CARF: variants seen among roughly 807,000 people sequenced by gnomAD.
CARF encodes calcium responsive transcription factor.
Under a neutral mutation model 82.0 loss-of-function variants are expected in CARF, and 57 were observed. The observed-to-expected ratio is 0.70, with a 90% CI of 0.56 to 0.87. The LOEUF (loss-of-function observed/expected upper bound fraction) is 0.87. Among genes scored for constraint, CARF ranks in the 40% least tolerant of loss-of-function variants. CARF has a pLI of 0.00. For missense variants in CARF, 771 were observed against 855.8 expected (o/e 0.90, Z 1.24); for synonymous variants, 268 against 290.1 (o/e 0.92, Z 0.77).
chr2:202,986,057 A>G lies in CARF; in HGVS notation c.*2433A>G, dbSNP rs926792667. On this transcript the variant is annotated 3_prime_UTR_variant, in exon 17 of 17. Transcript: ENST00000438828. ...AATAAAACAAAACCCCACAAAAACC[A>G]AGAGCATGAAGAAAAGTTTAAATCC... is the stretch of plus-strand genomic sequence containing the variant. 2 of 152,100 alleles carry G rather than the reference A, an allele frequency of 1.3e-5. No individual in the cohort carries two copies. Among genetic ancestry groups the G allele is most frequent in the African/African-American group, 4.8e-5 (2 of 41,456 alleles). The allele number at this position is 152,100 out of a possible 1,614,324, so 9.4% of individuals were successfully genotyped here. A position where few individuals can be genotyped will look rare whatever the true frequency, so the allele number is the denominator to read the frequency against.
At chr2:202,933,857 CTTTCCTTTCT>C (rs1461244105) in intron 3 of CARF, among the ~76,000 whole-genome samples, 1 of 119,378 alleles carries the variant, frequency 8.4e-6, no homozygotes, top group Admixed American at 8.6e-5. Context: ...CTTTTCTTTT[CTTTCCTTTCT>C]TTTCTTTTCT....
Position 202,942,762 on chromosome 2 carries a change from G to T in CARF, c.101G>T (p.Arg34Met). The T allele has an allele frequency of 6.2e-7, 1 of 1,613,650 alleles. No individual in the cohort carries two copies. The highest frequency in any genetic ancestry group is 8.5e-7 in the Non-Finnish European group (1 of 1,179,802). The change falls in exon 5 of 17, where the codon AGG becomes ATG. Residue 34 changes from arginine to methionine, a missense_variant. By Grantham distance (91) the Arg-to-Met change is moderately conservative. Coordinates refer to ENST00000438828, the MANE Select transcript of CARF (RefSeq NM_024744.17). ...VFEHLICMDS[R>M]DSSFGQNDSP... ...AAGCATCTAATCTGTATGGACTCCA[G>T]GGATTCTTCCTTTGGACAAAATGAT...
intron 3 of CARF, among the ~76,000 whole-genome samples, chr2:202,940,835 C>A (rs1035859967): frequency 1.3e-5 from 2 of 151,968 alleles, no homozygotes; most frequent in Non-Finnish European, 2.9e-5. Context: ...GGAGGGCGGT[C>A]ACTGGAGTGG....
chr2:202,948,881 A>G (rs1233960029), intron 5 of CARF, among the ~76,000 whole-genome samples: 1 of 152,020 alleles, frequency 6.6e-6, no homozygotes, highest in African/African-American at 2.4e-5. Flanking sequence ...TTCCAATACT[A>G]TGTTGAATAG....
At chr2:202,971,841 G>A in intron 12 of CARF, 103 bp downstream of exon 12, 1 of 653,116 alleles carries the variant, frequency 1.5e-6, no homozygotes, top group South Asian at 2.2e-5. Flanking sequence ...ATGCTATCAG[G>A]GTAGATAAGG....
chr2:202,947,672 T>C (rs1219608837), intron 5 of CARF, among the ~76,000 whole-genome samples: 2 of 152,206 alleles, frequency 1.3e-5, no homozygotes, highest in East Asian at 3.8e-4. Flanking sequence ...AAATGTCTGT[T>C]TGTGTCCTTT....
At chr2:202,968,368 C>G (rs985863323) in intron 10 of CARF, among the ~76,000 whole-genome samples, 15 of 152,114 alleles carry the variant, frequency 9.9e-5, no homozygotes, top group Admixed American at 3.3e-4. Context: ...CGCCACTGCA[C>G]TCCAGCCTGG....
At chr2:202,916,929 C>T (rs888600781) in intron 1 of CARF, among the ~76,000 whole-genome samples, 4 of 152,008 alleles carry the variant, frequency 2.6e-5, no homozygotes, top group African/African-American at 9.7e-5. Context: ...ACGCTGAGCT[C>T]GCCGGGCGCG....
chr2:202,955,620 C>A, intron 7 of CARF, 54 bp from the exon 8 acceptor site: 1 of 1,290,928 alleles, frequency 7.7e-7, no homozygotes, highest in Non-Finnish European at 1.1e-6. Context: ...CAGTTGAATG[C>A]ATTTTGTGTG....
intron 3 of CARF, among the ~76,000 whole-genome samples, chr2:202,929,951 A>G (rs1332435285): frequency 6.6e-6 from 1 of 151,858 alleles, no homozygotes; most frequent in East Asian, 1.9e-4. Flanking sequence ...TAGTATGGTC[A>G]TTTTCACAAT....
At chr2:202,934,182 T>A (rs1693497524) in intron 3 of CARF, among the ~76,000 whole-genome samples, 1 of 152,160 alleles carries the variant, frequency 6.6e-6, no homozygotes, top group African/African-American at 2.4e-5. Context: ...GGCTATAAAT[T>A]TCCCTTGAAA....
intron 16 of CARF, 122 bp downstream of exon 16, chr2:202,982,563 C>T (rs2060310207): frequency 9.7e-7 from 1 of 1,036,040 alleles, no homozygotes; most frequent in South Asian, 1.7e-5. Flanking sequence ...GTAAATGAAG[C>T]AAAATTATGA....
intron 12 of CARF, chr2:202,973,581 C>A: frequency 2.9e-6 from 1 of 339,148 alleles, no homozygotes; most frequent in Non-Finnish European, 5.7e-6. Flanking sequence ...CTCTTATTTA[C>A]TAGGTAGGTG....
At chr2:202,927,000 A>C (rs555845267) in intron 3 of CARF, among the ~76,000 whole-genome samples, 1 of 152,086 alleles carries the variant, frequency 6.6e-6, no homozygotes, top group African/African-American at 2.4e-5. Flanking sequence ...TTTTTTGTAG[A>C]GATAAGGTTT....
At position 202,916,977 on chromosome 2, in the gene CARF, G is replaced by A. The variant is rs575656747; in HGVS notation, c.-329-900G>A. Reference sequence around the variant, plus strand: ...TGTAATCCCAGCACTTTGGGAGGCCGAGGCGGGCGGATCACGAAGTCAGGA... The same window carrying A: ...TGTAATCCCAGCACTTTGGGAGGCCAAGGCGGGCGGATCACGAAGTCAGGA... On this transcript the variant is annotated intron_variant, in intron 1 of 16. Coordinates refer to ENST00000438828, the MANE Select transcript of CARF (RefSeq NM_024744.17). Among the ~76,000 whole-genome samples, 7 of 152,166 alleles carry A rather than the reference G, an allele frequency of 4.6e-5. No individual in the cohort carries two copies. The South Asian group carries it at 1.0e-3, about 23-fold the overall frequency.
chr2:202,955,692 T>C lies in CARF; in HGVS notation c.576T>C (p.Leu192=). ...ATCCCAGAATGCTGGAAGAACCCCT[T>C]CTGGGGCCTCTTCAGCCACTTTCTT... is the stretch of plus-strand genomic sequence containing the variant. ...KSVTGMLEEP[L]LGPLQPLSSN... The change falls in exon 8 of 17, where the codon CTT becomes CTC. Residue 192 remains leucine (L), a synonymous_variant. Transcript: ENST00000438828. 1 of 1,608,750 alleles carries C rather than the reference T, an allele frequency of 6.2e-7. No individual in the cohort carries two copies.
At position 202,912,517 on chromosome 2, in the gene CARF, C is replaced by T. The variant is rs936026592; in HGVS notation, c.-915C>T. The stretch of plus-strand genomic sequence containing the variant: ...CCTCCTCCTCCCGTCACCTCCTGAC[C>T]CGCCGGAGCTCCGAGCAACTGCCGG... On this transcript the variant is annotated 5_prime_UTR_variant, in exon 1 of 17. Transcript: ENST00000438828. The T allele has an allele frequency of 2.7e-5, 4 of 150,046 alleles. No individual in the cohort carries two copies. Among genetic ancestry groups the T allele is most frequent in the Non-Finnish European group, 5.9e-5 (4 of 67,310 alleles). 9.3% of individuals were successfully genotyped at this position (150,046 alleles called of 1,614,324 possible). A position where few individuals can be genotyped will look rare whatever the true frequency, so the allele number is the denominator to read the frequency against.
chr2:202,924,222 G>A (rs1429695746), intron 2 of CARF, 75 bp from the exon 3 acceptor site: 1 of 152,136 alleles, frequency 6.6e-6, no homozygotes, highest in African/African-American at 2.4e-5. Flanking sequence ...CATCTGTAAT[G>A]AGAATACATT....
intron 3 of CARF, among the ~76,000 whole-genome samples, chr2:202,931,601 T>C (rs182183965): frequency 9.2e-5 from 14 of 152,314 alleles, no homozygotes; most frequent in African/African-American, 3.1e-4. Context: ...TAGAGTAGCT[T>C]TGTAGAGAAA....
Sources: allele counts gnomAD v4.1 joint callset (sites outside exome capture counted in the v4.1 genomes callset), GRCh38; gene constraint gnomAD v4.1.1; transcripts MANE v1.5; gene names NCBI Gene and HGNC (gene_info 2026-07-23, HGNC 2026-07-21).